The following PPP6R2 variants were observed in gnomAD, a reference collection of about 807,000 sequenced individuals.
PPP6R2 encodes the protein serine/threonine-protein phosphatase 6 regulatory subunit 2.
PPP6R2 carries 62 observed loss-of-function variants against 100.2 expected under a neutral mutation model. That is an observed-to-expected ratio of 0.62 (90% CI 0.50 to 0.76). The LOEUF is 0.76. PPP6R2 is among the 30% of genes least tolerant of loss of function. The pLI, the probability that PPP6R2 is intolerant of heterozygous loss-of-function variation, is 0.00. For synonymous variants in PPP6R2, 525 were observed against 514.7 expected (o/e 1.02, Z -0.27); for missense variants, 1,142 against 1,276.3 (o/e 0.89, Z 1.60).
At chr22:50,409,130 T>C (rs2059388815) in intron 4 of PPP6R2, among the ~76,000 whole-genome samples, 1 of 152,172 alleles carries the variant, frequency 6.6e-6, no homozygotes, top group South Asian at 2.1e-4. Context: ...GCAGCTGGCT[T>C]GTTCTCACGG....
intron 1 of PPP6R2, among the ~76,000 whole-genome samples, chr22:50,363,414 A>T (rs1259767499): frequency 6.6e-6 from 1 of 152,234 alleles, no homozygotes; most frequent in African/African-American, 2.4e-5. Context: ...GTGCTCTAGT[A>T]TGTTCATCTC....
chr22:50,436,942 G>T, intron 14 of PPP6R2, 46 bp from the exon 15 acceptor site: 1 of 1,495,054 alleles, frequency 6.7e-7, no homozygotes, highest in African/African-American at 1.4e-5. Flanking sequence ...GGGGTCTGGG[G>T]CGCTGGGCTG....
Position 50,438,219 on chromosome 22 carries a change from C to T in PPP6R2, c.1885C>T (p.Pro629Ser). 6.2e-7 allele frequency: 1 copy of T among 1,613,942 alleles called. No individual in the cohort carries two copies. The highest frequency in any genetic ancestry group is 8.5e-7 in the Non-Finnish European group (1 of 1,179,988). The change falls in exon 18 of 24, where the codon CCC becomes TCC. Residue 629 changes from proline (P) to serine (S), a missense_variant. Pro to Ser is a moderately conservative substitution (Grantham distance 74, BLOSUM62 -1). Around this residue, in one of 2 missense-constraint regions of PPP6R2, gnomAD observed 550 missense variants for 517.4 expected, o/e 1.06. Coordinates refer to ENST00000612753, the MANE Select transcript of PPP6R2 (RefSeq NM_001242898.2). ...FEACCSDRIQ[P>S]FDDDEDEDIW... ...GGCCTGCTGCAGTGACCGCATCCAGCCCTTTGATGATGATGAGGACGAGGA... is the reference window on the plus strand; with the variant it reads ...GGCCTGCTGCAGTGACCGCATCCAGTCCTTTGATGATGATGAGGACGAGGA...
chr22:50,389,622 C>T lies in PPP6R2; in HGVS notation c.-16-4271C>T, dbSNP rs976422229. On this transcript the variant is annotated intron_variant, in intron 2 of 23. Transcript: ENST00000612753. ...AGGCTGGAGTGTAGTGGCGTGATCT[C>T]GGCTCTCGCTCTGTCGCCCAGGCTG... 6.1e-5 allele frequency among the ~76,000 whole-genome samples: 9 copies of T among 148,690 alleles called. No homozygotes were observed. In the Admixed American group the frequency reaches 6.1e-4, roughly 10 times the overall value.
chr22:50,371,293 T>TGTGAACTGG, intron 1 of PPP6R2, among the ~76,000 whole-genome samples: 1 of 152,234 alleles, frequency 6.6e-6, no homozygotes, highest in South Asian at 2.1e-4. Flanking sequence ...TAATGTGCTG[T>TGTGAACTGG]GTGAACTGGG....
chr22:50,349,739 C>T (rs555208067), intron 1 of PPP6R2, among the ~76,000 whole-genome samples: 7 of 149,984 alleles, frequency 4.7e-5, no homozygotes, highest in South Asian at 2.1e-4. Context: ...TGCTTGAACC[C>T]GGGAAGCGGA....
At chr22:50,407,145 A>C (rs1375968460) in intron 4 of PPP6R2, among the ~76,000 whole-genome samples, 4 of 152,106 alleles carry the variant, frequency 2.6e-5, no homozygotes, top group Non-Finnish European at 5.9e-5. Context: ...TCAGGAGTTC[A>C]AGACCAGCCT....
At chr22:50,338,833 GGTGT>G (rs1488923476), upstream of PPP6R2, among the ~76,000 whole-genome samples, 1 of 137,482 alleles carries the variant, frequency 7.3e-6, no homozygotes, top group Non-Finnish European at 1.6e-5. Flanking sequence ...TAGGGTGTGT[GGTGT>G]GTGTGTGGTG....
At chr22:50,421,539 T>C (rs1003047014) in intron 8 of PPP6R2, among the ~76,000 whole-genome samples, 1 of 152,152 alleles carries the variant, frequency 6.6e-6, no homozygotes, top group Non-Finnish European at 1.5e-5. Flanking sequence ...TGCATATTAC[T>C]TTAAAAAATA....
upstream of PPP6R2, among the ~76,000 whole-genome samples, chr22:50,342,450 C>A (rs1351732141): frequency 2.0e-5 from 3 of 152,222 alleles, no homozygotes. Context: ...AGCCGCAGGG[C>A]CAAGCCCTTT....
Position 50,436,985 on chromosome 22 carries a change from T to C in PPP6R2, c.1603-3T>C, listed in dbSNP as rs1217647695. On this transcript the variant is annotated splice_region_variant and splice_polypyrimidine_tract_variant and intron_variant, in intron 14 of 23. Transcript: ENST00000612753. ...CGCCCACCCCATCTGGCCTGTGTTT[T>C]AGGTGAGCACTCACCACCTTCACTC... The C allele has an allele frequency of 6.4e-7, 1 of 1,554,710 alleles. No homozygotes were observed.
At chr22:50,441,156 A>C in intron 22 of PPP6R2, 130 bp downstream of exon 22, 13 of 836,140 alleles carry the variant, frequency 1.6e-5, no homozygotes, top group Non-Finnish European at 2.3e-5. Flanking sequence ...TGCCTCCCCC[A>C]TGGCCCCGTG....
the PPP6R2 span, among the ~76,000 whole-genome samples, chr22:50,334,525 T>A: frequency 2.0e-5 from 3 of 152,220 alleles, no homozygotes; most frequent in African/African-American, 7.2e-5. Flanking sequence ...TAGCTTCTCG[T>A]CGTATATGTT....
At chr22:50,442,602 T>G (rs2065934662) in intron 22 of PPP6R2, among the ~76,000 whole-genome samples, 1 of 152,086 alleles carries the variant, frequency 6.6e-6, no homozygotes, top group South Asian at 2.1e-4. Flanking sequence ...CAGGCTGGAG[T>G]GCAGTGGCGC....
At position 50,423,992 on chromosome 22, in the gene PPP6R2, C is replaced by T. The variant is rs1400017566; in HGVS notation, c.1125+378C>T. 6.6e-6 allele frequency among the ~76,000 whole-genome samples: 1 copy of T among 152,260 alleles called. No homozygotes were observed. Among genetic ancestry groups the T allele is most frequent in the Non-Finnish European group, 1.5e-5 (1 of 68,050 alleles). ...TGGCTAAAAGAGAAGCTCCTGTCGT[C>T]CACAGTAGAAGGCCAACCTGGCAGT... On this transcript the variant is annotated intron_variant, in intron 10 of 23. Coordinates refer to ENST00000612753, the MANE Select transcript of PPP6R2 (RefSeq NM_001242898.2). The surrounding 1 kb of genome is among the most constrained non-coding windows in gnomAD (Gnocchi z 4.8).
chr22:50,392,144 C>A (rs1473349240), intron 2 of PPP6R2: 1 of 152,052 alleles, frequency 6.6e-6, no homozygotes, highest in Admixed American at 6.6e-5. Context: ...GCCGCTACCA[C>A]TCATAAATAT....
chr22:50,396,871 G>A (rs2057009043), intron 3 of PPP6R2, among the ~76,000 whole-genome samples: 1 of 152,152 alleles, frequency 6.6e-6, no homozygotes. Flanking sequence ...GGTTAGGGTG[G>A]GGCAGCTGCA....
intron 2 of PPP6R2, among the ~76,000 whole-genome samples, chr22:50,376,890 G>A (rs1379441437): frequency 3.3e-5 from 5 of 152,106 alleles, no homozygotes; most frequent in African/African-American, 7.2e-5. Context: ...AGCCGGGCGC[G>A]GTGGCAGGCG....
Position 50,438,743 on chromosome 22 carries a change from T to C in PPP6R2, c.2109T>C (p.Pro703=). ...CCCCCGGGAAGAAGGAAGCGCCCCC[T>C]GTGGAGGGTGACTCAGAAGGTGGTG... ...PPAPGKKEAP[P]VEGDSEGAMW... The change falls in exon 19 of 24, where the codon CCT becomes CCC. Residue 703 remains proline, a synonymous_variant. Transcript: ENST00000612753. 4 of 1,599,882 alleles carry C rather than the reference T, an allele frequency of 2.5e-6. No individual in the cohort carries two copies. The highest frequency in any genetic ancestry group is 3.4e-6 in the Non-Finnish European group (4 of 1,173,516).
Sources: allele counts gnomAD v4.1 joint callset (sites outside exome capture counted in the v4.1 genomes callset), GRCh38; gene constraint gnomAD v4.1.1; regional missense constraint gnomAD v4.1.1; non-coding constraint Gnocchi (gnomAD v3.1); transcripts MANE v1.5; gene names NCBI Gene and HGNC (gene_info 2026-07-23, HGNC 2026-07-21).